The following MARCO variants were observed in gnomAD, a reference collection of about 807,000 sequenced individuals.
The protein encoded by MARCO is macrophage receptor MARCO.
A neutral mutation model predicts 70.0 loss-of-function variants in MARCO; 72 were observed. The ratio of observed to expected loss-of-function variants is 1.03; its 90% confidence interval spans 0.85 to 1.25. MARCO has a LOEUF of 1.25. Among genes scored for constraint, MARCO ranks in the 50% most tolerant of loss-of-function variants. The pLI, the probability that MARCO is intolerant of heterozygous loss-of-function variation, is 0.00. For synonymous variants in MARCO, 273 were observed against 243.1 expected, an observed-to-expected ratio of 1.12 and a Z score of -1.14; for missense variants, 696 against 659.3, an observed-to-expected ratio of 1.06 and a Z score of -0.61.
intron 1 of MARCO, among the ~76,000 whole-genome samples, chr2:118,954,482 C>T (rs1679790452): frequency 1.3e-5 from 2 of 152,182 alleles, no homozygotes; most frequent in African/African-American, 4.8e-5. Context: ...TCCTTCCCTA[C>T]CTGCCCTGGT....
chr2:118,980,225 G>A (rs1680363171), intron 8 of MARCO, among the ~76,000 whole-genome samples: 1 of 152,200 alleles, frequency 6.6e-6, no homozygotes. Flanking sequence ...CCCTTCTCCA[G>A]GGTGGACACT....
chr2:118,970,158 C>T lies in MARCO; in HGVS notation c.244C>T (p.Leu82Phe). 1 of 1,614,138 alleles carries T rather than the reference C, an allele frequency of 6.2e-7. No individual in the cohort carries two copies. Among genetic ancestry groups the T allele is most frequent in the Non-Finnish European group, 8.5e-7 (1 of 1,180,030 alleles). ...ARLRVLEMYF[L>F]NDTLAAEDSP... ...GCTCCGGGTCCTGGAGATGTATTTC[C>T]TCAATGACACTCTGGCGGCTGAGGA... The change falls in exon 3 of 17, where the codon CTC becomes TTC. Residue 82 changes from leucine to phenylalanine, a missense_variant. Leu to Phe is a conservative substitution (Grantham distance 22, BLOSUM62 0). This residue lies in a region of MARCO where 605 missense variants were observed against 537.6 expected (regional missense o/e 1.13). Coordinates refer to ENST00000327097, the MANE Select transcript of MARCO (RefSeq NM_006770.4).
chr2:118,991,973 G>A, intron 14 of MARCO, 98 bp downstream of exon 14: 2 of 881,618 alleles, frequency 2.3e-6, no homozygotes, highest in Non-Finnish European at 3.5e-6. Context: ...AGAGTTCTGG[G>A]GATTTTCAGA....
intron 1 of MARCO, among the ~76,000 whole-genome samples, chr2:118,953,750 G>A (rs534569044): frequency 2.7e-4 from 41 of 152,314 alleles, no homozygotes; most frequent in Non-Finnish European, 5.0e-4. Flanking sequence ...TGCCCCAGCC[G>A]TGTAAGTGGA....
intron 1 of MARCO, among the ~76,000 whole-genome samples, chr2:118,960,094 A>G (rs974005414): frequency 6.6e-6 from 1 of 150,956 alleles, no homozygotes; most frequent in African/African-American, 2.5e-5. Flanking sequence ...CCTATACCCC[A>G]ATAACTTATG....
intron 16 of MARCO, among the ~76,000 whole-genome samples, chr2:118,993,802 G>A (rs1436428771): frequency 6.6e-6 from 1 of 152,206 alleles, no homozygotes; most frequent in East Asian, 1.9e-4. Flanking sequence ...AAAATGTGTG[G>A]AAAATGTCTT....
intron 1 of MARCO, among the ~76,000 whole-genome samples, chr2:118,957,352 GAAT>G (rs1432844854): frequency 6.6e-6 from 1 of 151,978 alleles, no homozygotes; most frequent in Non-Finnish European, 1.5e-5. Context: ...AGGCTACTAT[GAAT>G]AATACCTTTA....
At chr2:118,983,696 G>A (rs763052653) in intron 12 of MARCO, among the ~76,000 whole-genome samples, 1 of 152,022 alleles carries the variant, frequency 6.6e-6, no homozygotes, top group African/African-American at 2.4e-5. Context: ...CCCAGTCTCA[G>A]AGTCCATCTG....
Position 118,942,195 on chromosome 2 carries a change from C to A in MARCO, c.-106C>A. On this transcript the variant is annotated 5_prime_UTR_variant, in exon 1 of 17. Coordinates refer to ENST00000327097, the MANE Select transcript of MARCO (RefSeq NM_006770.4). The stretch of plus-strand genomic sequence containing the variant: ...CCAAAGGGAAGTGCTGCGAGGTTTA[C>A]AACCAGCTGCAGTGGTTCGATGGGA... 2.8e-6 allele frequency: 2 copies of A among 707,364 alleles called. No homozygotes were observed. The highest frequency in any genetic ancestry group is 1.7e-5 in the South Asian group (1 of 58,294). 43.8% of individuals were successfully genotyped at this position (707,364 alleles called of 1,614,324 possible).
chr2:118,970,491 C>G (rs1467636915), intron 3 of MARCO, among the ~76,000 whole-genome samples, 153 bp downstream of exon 3: 1 of 152,146 alleles, frequency 6.6e-6, no homozygotes, highest in Non-Finnish European at 1.5e-5. Flanking sequence ...AAGTCTGAAC[C>G]CAGAGTCCCC....
intron 12 of MARCO, among the ~76,000 whole-genome samples, chr2:118,985,770 T>G (rs1324096612): frequency 6.6e-6 from 1 of 152,218 alleles, no homozygotes; most frequent in Non-Finnish European, 1.5e-5. Flanking sequence ...CATTTACACC[T>G]CATGAAATAA....
chr2:118,960,923 T>G (rs749680580), intron 1 of MARCO, among the ~76,000 whole-genome samples: 3 of 152,066 alleles, frequency 2.0e-5, no homozygotes, highest in Non-Finnish European at 2.9e-5. Flanking sequence ...CAGTGTGTGT[T>G]GTTCCCCTCC....
In MARCO at chr2:118,981,509, T is replaced by G. The variant is rs1680390392; in HGVS notation, c.865+2T>G. ...ACTTCGGGAGGCCAGGCCCACCAGG[T>G]AAGAGGGCACGTGGTCACATCCACT... On this transcript the variant is annotated splice_donor_variant, in intron 9 of 16. Coordinates refer to ENST00000327097, the MANE Select transcript of MARCO (RefSeq NM_006770.4). LOFTEE classifies it high-confidence loss of function. 1 of 1,601,472 alleles carries G rather than the reference T, an allele frequency of 6.2e-7. No homozygotes were observed. Among genetic ancestry groups the G allele is most frequent in the Non-Finnish European group, 8.5e-7 (1 of 1,176,450 alleles).
At chr2:118,962,138 G>A (rs922912050) in intron 1 of MARCO, among the ~76,000 whole-genome samples, 2 of 152,148 alleles carry the variant, frequency 1.3e-5, no homozygotes, top group Non-Finnish European at 2.9e-5. Flanking sequence ...AGAATAGTTT[G>A]AAGTCTGGTA....
Position 118,970,233 on chromosome 2 carries a change from G to A in MARCO, c.319G>A (p.Ala107Thr), listed in dbSNP as rs772375293. Residue 107 changes from alanine to threonine, a missense_variant, in exon 3 of 17, where the codon GCT becomes ACT. Physicochemically the swap from Ala to Thr is moderately conservative, Grantham distance 58. Around this residue, in one of 3 missense-constraint regions of MARCO, gnomAD observed 605 missense variants for 537.6 expected, o/e 1.13. Coordinates refer to ENST00000327097, the MANE Select transcript of MARCO (RefSeq NM_006770.4). Reference protein sequence around the residue: ...LQSAHPGEHLAQGASRLQVLQ... With the variant: ...LQSAHPGEHLTQGASRLQVLQ... Reference sequence around the variant, plus strand: ...GTCAGCACACCCTGGAGAACACCTGGCTCAGGGTGCATCGAGGCTGCAAGT... The same window carrying A: ...GTCAGCACACCCTGGAGAACACCTGACTCAGGGTGCATCGAGGCTGCAAGT... 2.5e-6 allele frequency: 4 copies of A among 1,614,016 alleles called. No individual in the cohort carries two copies. Among genetic ancestry groups the A allele is most frequent in the Admixed American group, 1.7e-5 (1 of 60,016 alleles).
At chr2:118,978,751 G>A (rs1216725856) in intron 8 of MARCO, among the ~76,000 whole-genome samples, 2 of 152,214 alleles carry the variant, frequency 1.3e-5, no homozygotes, top group Non-Finnish European at 2.9e-5. Context: ...ATAAGGGTTA[G>A]AGACCATGTT....
At chr2:118,946,300 G>C (rs1474860394) in intron 1 of MARCO, among the ~76,000 whole-genome samples, 1 of 152,032 alleles carries the variant, frequency 6.6e-6, no homozygotes, top group African/African-American at 2.4e-5. Context: ...CCAATTCTAT[G>C]CTTAAATAAC....
intron 6 of MARCO, among the ~76,000 whole-genome samples, chr2:118,976,418 C>A (rs1680285399): frequency 6.6e-6 from 1 of 152,060 alleles, no homozygotes; most frequent in Non-Finnish European, 1.5e-5. Context: ...TCTATATACA[C>A]CCACCTCCTC....
intron 12 of MARCO, among the ~76,000 whole-genome samples, chr2:118,986,668 GGAAGGAAAGAAAGAAA>G (rs1245755065): frequency 0.025 from 1,224 of 48,348 alleles, 118 homozygotes; most frequent in Non-Finnish European, 0.028. Context: ...AAGGAAGGAA[GGAAGGAAAGAAAGAAA>G]GAAAGAAAGA....
Sources: gnomAD v4.1 joint callset for allele counts (sites outside exome capture counted in the v4.1 genomes callset) on GRCh38, gnomAD v4.1.1 for gene constraint, gnomAD v4.1.1 regional missense constraint, MANE v1.5 for transcripts, NCBI Gene and HGNC (gene_info 2026-07-23, HGNC 2026-07-21) for gene names.